The following ARB2A variants were observed in gnomAD, a reference collection of about 807,000 sequenced individuals.
ARB2A encodes the protein cotranscriptional regulator ARB2A.
chr5:93,632,221 A>T, the ARB2A span, among the ~76,000 whole-genome samples: 1 of 152,208 alleles, frequency 6.6e-6, no homozygotes, highest in African/African-American at 2.4e-5. Flanking sequence ...AAGAGAATGA[A>T]GGGGAGGATG....
the ARB2A span, among the ~76,000 whole-genome samples, chr5:94,006,622 T>G: frequency 2.6e-5 from 4 of 152,194 alleles, no homozygotes; most frequent in Non-Finnish European, 5.9e-5. Context: ...AACAGTGAAA[T>G]GCAGTCAGAT....
the ARB2A span, among the ~76,000 whole-genome samples, chr5:93,660,215 A>G: frequency 1.3e-5 from 2 of 152,148 alleles, no homozygotes. Flanking sequence ...GCTGTCATTT[A>G]GAGATGATAT....
chr5:93,718,686 T>TAACAAC, the ARB2A span, among the ~76,000 whole-genome samples: 1 of 152,048 alleles, frequency 6.6e-6, no homozygotes, highest in African/African-American at 2.4e-5. Flanking sequence ...TGTCTAATTG[T>TAACAAC]AACAACAACA....
the ARB2A span, among the ~76,000 whole-genome samples, chr5:94,062,154 A>C: frequency 6.6e-6 from 1 of 152,204 alleles, no homozygotes; most frequent in Non-Finnish European, 1.5e-5. Context: ...CGAAAAAGCA[A>C]TTCAAAGATG....
the ARB2A span, among the ~76,000 whole-genome samples, chr5:93,900,545 C>G: frequency 6.8e-6 from 1 of 147,626 alleles, no homozygotes; most frequent in African/African-American, 2.5e-5. Context: ...ACCCATGAGG[C>G]AGAGGTTGCA....
At chr5:93,931,345 TC>T in the ARB2A span, among the ~76,000 whole-genome samples, 1 of 152,062 alleles carries the variant, frequency 6.6e-6, no homozygotes, top group Admixed American at 6.6e-5. Flanking sequence ...ATGCCTGTAA[TC>T]CCAGCTACTC....
At chr5:93,987,714 A>C in the ARB2A span, among the ~76,000 whole-genome samples, 1 of 152,096 alleles carries the variant, frequency 6.6e-6, no homozygotes, top group South Asian at 2.1e-4. Flanking sequence ...GCTGCTTCAG[A>C]TCAGTTGTTC....
chr5:93,681,859 A>G, the ARB2A span, among the ~76,000 whole-genome samples: 1 of 152,222 alleles, frequency 6.6e-6, no homozygotes, highest in African/African-American at 2.4e-5. Flanking sequence ...CCAAATGGTC[A>G]TTTACAAACC....
chr5:93,727,534 C>T, the ARB2A span, among the ~76,000 whole-genome samples: 1 of 152,008 alleles, frequency 6.6e-6, no homozygotes, highest in East Asian at 1.9e-4. Flanking sequence ...TTATTAAATT[C>T]CAACATATTT....
At chr5:94,081,320 C>G in the ARB2A span, among the ~76,000 whole-genome samples, 1 of 152,112 alleles carries the variant, frequency 6.6e-6, no homozygotes. Flanking sequence ...ACCATATGAC[C>G]CAGCAATTCT....
At chr5:93,880,219 C>T in the ARB2A span, among the ~76,000 whole-genome samples, 2 of 151,676 alleles carry the variant, frequency 1.3e-5, no homozygotes, top group Non-Finnish European at 3.0e-5. Context: ...AATTCCTTGT[C>T]AGGATACATT....
chr5:93,854,100 G>A, the ARB2A span, among the ~76,000 whole-genome samples: 2 of 152,128 alleles, frequency 1.3e-5, no homozygotes, highest in African/African-American at 2.4e-5. Context: ...ACTCTTTTTG[G>A]TTGGTAAGCT....
the ARB2A span, chr5:93,863,258 G>A: frequency 6.6e-6 from 1 of 152,040 alleles, no homozygotes; most frequent in Non-Finnish European, 1.5e-5. Flanking sequence ...TGGATTTGAT[G>A]GGGTCATTTC....
the ARB2A span, among the ~76,000 whole-genome samples, chr5:93,855,037 T>C: frequency 6.6e-6 from 1 of 152,154 alleles, no homozygotes; most frequent in Non-Finnish European, 1.5e-5. Context: ...CTTGTTGATA[T>C]GTCTAATGTT....
At chr5:93,715,439 G>A in the ARB2A span, among the ~76,000 whole-genome samples, 1 of 152,148 alleles carries the variant, frequency 6.6e-6, no homozygotes, top group East Asian at 1.9e-4. Context: ...TTTGCACTTT[G>A]TAGTGTGCAG....
At chr5:93,860,061 G>C in the ARB2A span, among the ~76,000 whole-genome samples, 1 of 152,310 alleles carries the variant, frequency 6.6e-6, no homozygotes, top group African/African-American at 2.4e-5. Flanking sequence ...TGGGGAGGCT[G>C]AGGTGGATGG....
the ARB2A span, among the ~76,000 whole-genome samples, chr5:93,783,475 T>C: frequency 7.2e-5 from 11 of 152,136 alleles, no homozygotes; most frequent in Non-Finnish European, 1.0e-4. Flanking sequence ...CTGTGGTCCT[T>C]ACAGTGTACC....
At chr5:93,784,301 G>T in the ARB2A span, 1 of 798,056 alleles carries the variant, frequency 1.3e-6, no homozygotes, top group Non-Finnish European at 2.1e-6. Flanking sequence ...TTTGAGGATG[G>T]GAGGTGTTAC....
At chr5:93,793,062 T>C in the ARB2A span, among the ~76,000 whole-genome samples, 5 of 151,560 alleles carry the variant, frequency 3.3e-5, no homozygotes, top group African/African-American at 1.2e-4. Context: ...AGTGGTGGCA[T>C]AGCTAGATTT....
Sources: gnomAD v4.1 joint callset for allele counts (sites outside exome capture counted in the v4.1 genomes callset) on GRCh38, gnomAD v4.1.1 for gene constraint, MANE v1.5 for transcripts, NCBI Gene and HGNC (gene_info 2026-07-23, HGNC 2026-07-21) for gene names.